Variants in LUC7L observed in about 807,000 individuals in gnomAD.
LUC7L encodes putative RNA-binding protein Luc7-like 1.
Under a neutral mutation model 51.1 loss-of-function variants are expected in LUC7L, and 29 were observed. The observed-to-expected ratio is 0.57, with a 90% confidence interval of 0.42 to 0.77. LUC7L has a LOEUF of 0.77. LUC7L is among the 30% of genes least tolerant of loss of function. The pLI is 0.00. For missense variants in LUC7L, 403 were observed against 511.9 expected (o/e 0.79, Z 2.05); for synonymous variants, 181 against 180.7 (o/e 1.00, Z -0.01).
At chr16:212,092 G>A (rs2049658888) in intron 3 of LUC7L, among the ~76,000 whole-genome samples, 1 of 152,160 alleles carries the variant, frequency 6.6e-6, no homozygotes, top group Admixed American at 6.6e-5. Context: ...TCAGGAGTTT[G>A]AGATCAGCCT....
At chr16:229,143 G>C (rs1242764073) in intron 1 of LUC7L, 136 bp downstream of exon 1, 9 of 1,412,470 alleles carry the variant, frequency 6.4e-6, no homozygotes, top group East Asian at 2.8e-5. Flanking sequence ...GGCGCCTGCG[G>C]TCGGAGCGCG....
Position 214,172 on chromosome 16 carries a change from A to G in LUC7L, c.256-5984T>C, listed in dbSNP as rs914111970. Among the ~76,000 whole-genome samples, 12 of 151,868 alleles carry G rather than the reference A, an allele frequency of 7.9e-5. No individual in the cohort carries two copies. The East Asian group carries it at 1.9e-3, about 25-fold the overall frequency. The stretch of plus-strand genomic sequence containing the variant: ...AACCTCTGCCTCCTGGGTTCAAGCT[A>G]TTCTCCTGCCTCAGCTTCCTGAGTA... On this transcript the variant is annotated intron_variant, in intron 3 of 9. Transcript: ENST00000293872.
chr16:189,564 A>C (rs188369139), intron 9 of LUC7L: 12 of 1,385,516 alleles, frequency 8.7e-6, no homozygotes, highest in Non-Finnish European at 9.3e-7. Flanking sequence ...CCTTCACTGT[A>C]ACATAAACAG....
chr16:211,052 C>CAAAA (rs572440490), intron 3 of LUC7L, among the ~76,000 whole-genome samples: 1 of 122,070 alleles, frequency 8.2e-6, no homozygotes. Flanking sequence ...CACTCCGTCT[C>CAAAA]AAAAAAAAAA....
In LUC7L at chr16:227,298, G is replaced by T; in HGVS notation, c.100C>A (p.Arg34Ser). Residue 34 changes from arginine (R) to serine (S), a missense_variant, in exon 2 of 10, where the codon CGT becomes AGT. By Grantham distance (110) the Arg-to-Ser change is moderately radical (BLOSUM62 -1). Transcript: ENST00000293872. Reference protein sequence around the residue: ...TRQRVKFTDDRVCKSHLLDCC... With the variant: ...TRQRVKFTDDSVCKSHLLDCC... ...TCCAGAAGGTGACTCTTGCAGACAC[G>T]GTCATCTGTAAACTTGACCCTCTGT... 1 of 1,612,290 alleles carries T rather than the reference G, an allele frequency of 6.2e-7. No individual in the cohort carries two copies. Among genetic ancestry groups the T allele is most frequent in the Non-Finnish European group, 8.5e-7 (1 of 1,179,128 alleles).
chr16:225,479 T>G, intron 2 of LUC7L, among the ~76,000 whole-genome samples: 1 of 121,822 alleles, frequency 8.2e-6, no homozygotes, highest in East Asian at 2.5e-4. Context: ...AGAGCGAAAC[T>G]CCGTCTCTTT....
At chr16:197,153 G>A (rs534049510) in intron 6 of LUC7L, among the ~76,000 whole-genome samples, 21 of 146,522 alleles carry the variant, frequency 1.4e-4, no homozygotes, top group Admixed American at 2.7e-4. Flanking sequence ...TGATCTGCCC[G>A]CCTCGGCCTC....
At chr16:215,489 G>A (rs376811249) in intron 3 of LUC7L, among the ~76,000 whole-genome samples, 46 of 151,984 alleles carry the variant, frequency 3.0e-4, no homozygotes, top group Admixed American at 2.0e-3. Flanking sequence ...GCATGGTGGC[G>A]CGTGCCTGCA....
intron 7 of LUC7L, among the ~76,000 whole-genome samples, chr16:192,502 CTTTTTTT>C (rs398058029): frequency 5.6e-5 from 7 of 125,638 alleles, no homozygotes; most frequent in East Asian, 2.3e-4. Context: ...ATGCTGTTTA[CTTTTTTT>C]TTTTTTTTTT....
intron 1 of LUC7L, chr16:228,260 A>G (rs1310156270): frequency 3.1e-6 from 4 of 1,298,264 alleles, no homozygotes; most frequent in South Asian, 1.3e-5. Context: ...TCTAAACTAC[A>G]CTTTTAAAGT....
intron 3 of LUC7L, among the ~76,000 whole-genome samples, chr16:211,436 C>T (rs992456436): frequency 1.8e-4 from 28 of 152,036 alleles, no homozygotes; most frequent in Non-Finnish European, 3.5e-4. Context: ...CCAGCCTGGG[C>T]GACAGAGCAA....
At chr16:200,265 A>G (rs1348246014) in intron 5 of LUC7L, among the ~76,000 whole-genome samples, 4 of 151,972 alleles carry the variant, frequency 2.6e-5, no homozygotes, top group African/African-American at 9.7e-5. Flanking sequence ...TACTAAAAAA[A>G]CAGAAAAAAT....
At chr16:227,803 A>C (rs2050168520) in intron 1 of LUC7L, 10 of 999,768 alleles carry the variant, frequency 1.0e-5, no homozygotes, top group Non-Finnish European at 1.2e-5. Flanking sequence ...TGAAGAAGAA[A>C]GCTTTCAAAC....
intron 3 of LUC7L, 164 bp downstream of exon 3, chr16:220,485 C>A: frequency 1.6e-6 from 1 of 617,420 alleles, no homozygotes; most frequent in South Asian, 2.0e-5. Flanking sequence ...CTGGACACAA[C>A]ATATAAACAG....
intron 2 of LUC7L, among the ~76,000 whole-genome samples, chr16:226,258 G>A (rs1237538595): frequency 6.6e-6 from 1 of 152,164 alleles, no homozygotes; most frequent in Admixed American, 6.6e-5. Flanking sequence ...GATTCATCAT[G>A]AAGAAAACTT....
At chr16:189,364 A>C in intron 9 of LUC7L, 25 bp from the exon 10 acceptor site, 1 of 1,594,180 alleles carries the variant, frequency 6.3e-7, no homozygotes, top group Non-Finnish European at 8.5e-7. Context: ...CCAGAGGCTC[A>C]GTGGAGGCTG....
intron 2 of LUC7L, among the ~76,000 whole-genome samples, chr16:222,685 C>T (rs1453474891): frequency 6.7e-6 from 1 of 150,040 alleles, no homozygotes; most frequent in Non-Finnish European, 1.5e-5. Context: ...GTTGCCCAGA[C>T]TGTAGTGCAA....
chr16:198,079 A>T lies in LUC7L; in HGVS notation c.687+983T>A, dbSNP rs150658826. On this transcript the variant is annotated intron_variant, in intron 6 of 9. Coordinates refer to ENST00000293872, the MANE Select transcript of LUC7L (RefSeq NM_201412.3). Reference sequence around the variant, plus strand: ...GTCAGGAGATCGAGACCATCCTGGCAAACACGATGAAGCCCCGTCTCTACT... The same window carrying T: ...GTCAGGAGATCGAGACCATCCTGGCTAACACGATGAAGCCCCGTCTCTACT... Among the ~76,000 whole-genome samples, 343 of 151,972 alleles carry T rather than the reference A, an allele frequency of 2.3e-3. 1 individual carries two copies. The highest frequency in any genetic ancestry group is 7.9e-3 in the African/African-American group (327 of 41,476).
At chr16:207,343 C>T (rs2049512349) in intron 4 of LUC7L, among the ~76,000 whole-genome samples, 1 of 152,070 alleles carries the variant, frequency 6.6e-6, no homozygotes, top group Non-Finnish European at 1.5e-5. Context: ...CCACCTCAGC[C>T]TCCTGAGTAA....
Sources: gnomAD v4.1 joint callset for allele counts (sites outside exome capture counted in the v4.1 genomes callset) on GRCh38, gnomAD v4.1.1 for gene constraint, MANE v1.5 for transcripts, NCBI Gene and HGNC (gene_info 2026-07-23, HGNC 2026-07-21) for gene names.